ARSB: variants seen among roughly 807,000 people sequenced by gnomAD.
The protein encoded by ARSB is N-acetylgalactosamine-4-sulfatase.
In ARSB, 41 loss-of-function variants were observed where a neutral mutation model predicts 50.9. That is an observed-to-expected ratio of 0.81 (90% CI 0.63 to 1.04). The LOEUF (loss-of-function observed/expected upper bound fraction) is 1.04, where lower values mean the gene tolerates loss of function less well. Among genes scored for constraint, ARSB ranks in the 50% least tolerant of loss-of-function variants. The pLI, the probability that ARSB is intolerant of heterozygous loss-of-function variation, is 0.00. For missense variants in ARSB, 672 were observed against 693.3 expected, an observed-to-expected ratio of 0.97 and a Z score of 0.35; for synonymous variants, 269 against 284.8, an observed-to-expected ratio of 0.94 and a Z score of 0.56.
At chr5:78,832,807 G>A (rs1348400360) in intron 6 of ARSB, among the ~76,000 whole-genome samples, 2 of 152,206 alleles carry the variant, frequency 1.3e-5, no homozygotes, top group African/African-American at 4.8e-5. Flanking sequence ...CTTTGGTGGG[G>A]TGGAAAATGC....
At chr5:78,897,349 C>A (rs923705856) in intron 4 of ARSB, among the ~76,000 whole-genome samples, 1 of 152,132 alleles carries the variant, frequency 6.6e-6, no homozygotes, top group Non-Finnish European at 1.5e-5. Context: ...TTCTAAAATA[C>A]TCTCAGTAAA....
At chr5:78,812,955 C>T (rs963748253) in intron 6 of ARSB, among the ~76,000 whole-genome samples, 8 of 152,154 alleles carry the variant, frequency 5.3e-5, no homozygotes, top group South Asian at 2.1e-4. Flanking sequence ...CACACCACTA[C>T]GCTCCAGCCT....
intron 5 of ARSB, among the ~76,000 whole-genome samples, chr5:78,871,713 C>G (rs1425773734): frequency 7.3e-6 from 1 of 137,612 alleles, no homozygotes; most frequent in African/African-American, 2.6e-5. Flanking sequence ...CATAAAAACC[C>G]TAGAAGAAAA....
At chr5:78,792,351 C>G (rs898129037) in intron 6 of ARSB, among the ~76,000 whole-genome samples, 3 of 151,222 alleles carry the variant, frequency 2.0e-5, no homozygotes, top group African/African-American at 7.3e-5. Context: ...TGTACTCCAG[C>G]CTGGACGACA....
At chr5:78,963,832 G>A (rs185391934) in intron 3 of ARSB, among the ~76,000 whole-genome samples, 2 of 152,150 alleles carry the variant, frequency 1.3e-5, no homozygotes, top group African/African-American at 4.8e-5. Context: ...ACTTTGGGCA[G>A]GGGGGAGCTG....
chr5:78,782,522 G>C (rs767737030), intron 6 of ARSB, among the ~76,000 whole-genome samples: 14 of 152,142 alleles, frequency 9.2e-5, no homozygotes, highest in Non-Finnish European at 2.1e-4. Context: ...AACTATGGGG[G>C]TAAGAACAAA....
At chr5:78,936,893 T>G (rs1750631536) in intron 4 of ARSB, among the ~76,000 whole-genome samples, 1 of 152,220 alleles carries the variant, frequency 6.6e-6, no homozygotes, top group African/African-American at 2.4e-5. Flanking sequence ...ACAGCAGATA[T>G]GGGTACCAGA....
chr5:78,973,549 T>C (rs1271578240), intron 1 of ARSB, among the ~76,000 whole-genome samples: 1 of 152,202 alleles, frequency 6.6e-6, no homozygotes, highest in Non-Finnish European at 1.5e-5. Context: ...TAGGAGTTCC[T>C]TGCAGTATAG....
At chr5:78,949,658 C>T (rs1391255384) in intron 4 of ARSB, among the ~76,000 whole-genome samples, 1 of 152,136 alleles carries the variant, frequency 6.6e-6, no homozygotes, top group Admixed American at 6.5e-5. Flanking sequence ...GACTGTAATC[C>T]GAGCACTCTG....
At chr5:78,870,211 T>G (rs1218586615) in intron 5 of ARSB, among the ~76,000 whole-genome samples, 3 of 146,426 alleles carry the variant, frequency 2.0e-5, no homozygotes, top group African/African-American at 7.6e-5. Flanking sequence ...CCAGAAGGAT[T>G]CACAGCCGAA....
Position 78,885,808 on chromosome 5 carries a change from C to T in ARSB, c.918G>A (p.Leu306=), listed in dbSNP as rs755631948. 60 of 1,614,170 alleles carry T rather than the reference C, an allele frequency of 3.7e-5. No homozygotes were observed. In the South Asian group the frequency reaches 6.4e-4, roughly 17 times the overall value. Residue 306 remains leucine, a synonymous_variant, in exon 5 of 8, where the codon TTG becomes TTA. Transcript: ENST00000264914. ...IFSTDNGGQT[L]AGGNNWPLRG... ...GAAGGGGCCAGTTATTACCCCCTGC[C>T]AAAGTCTGCCCTCCGTTATCTGAAA...
chr5:78,796,590 T>G (rs532044241), intron 6 of ARSB, among the ~76,000 whole-genome samples: 40 of 152,326 alleles, frequency 2.6e-4, no homozygotes, highest in Admixed American at 1.5e-3. Flanking sequence ...TGCAAAGCAC[T>G]TACTGCAGTG....
intron 5 of ARSB, 42 bp from the exon 6 acceptor site, chr5:78,839,468 A>G: frequency 1.3e-6 from 2 of 1,510,606 alleles, no homozygotes; most frequent in East Asian, 2.3e-5. Context: ...TCCTCTCTCT[A>G]ATGGGCATGA....
chr5:78,943,687 C>T (rs1213295992), intron 4 of ARSB, among the ~76,000 whole-genome samples: 1 of 152,142 alleles, frequency 6.6e-6, no homozygotes, highest in Non-Finnish European at 1.5e-5. Flanking sequence ...GTAACCTGAC[C>T]TTTCTCTCTG....
At position 78,977,184 on chromosome 5, in the gene ARSB, T is replaced by C. The variant is rs769331728; in HGVS notation, c.312+7753A>G. On this transcript the variant is annotated intron_variant, in intron 1 of 7. Coordinates refer to ENST00000264914, the MANE Select transcript of ARSB (RefSeq NM_000046.5). ...ACTTCCCCCCCGCGAGATGGAGTCTTGCTCTGTTGCTCAGGCTGGAGTGCA... is the reference window on the plus strand; with the variant it reads ...ACTTCCCCCCCGCGAGATGGAGTCTCGCTCTGTTGCTCAGGCTGGAGTGCA... 1.6e-4 allele frequency among the ~76,000 whole-genome samples: 24 copies of C among 146,340 alleles called. 1 individual carries two copies. Among genetic ancestry groups the C allele is most frequent in the South Asian group, 2.1e-4 (1 of 4,684 alleles).
At chr5:78,920,957 T>G (rs937499848) in intron 4 of ARSB, among the ~76,000 whole-genome samples, 1 of 152,160 alleles carries the variant, frequency 6.6e-6, no homozygotes, top group Non-Finnish European at 1.5e-5. Context: ...AACTCCTGGA[T>G]CAGACCTGCC....
chr5:78,806,265 C>G (rs1743558621), intron 6 of ARSB, among the ~76,000 whole-genome samples: 2 of 152,140 alleles, frequency 1.3e-5, no homozygotes, highest in South Asian at 4.1e-4. Flanking sequence ...TCACAGTGTC[C>G]CCTGGCATGT....
At chr5:78,887,434 T>C (rs937210977) in intron 4 of ARSB, among the ~76,000 whole-genome samples, 4 of 152,176 alleles carry the variant, frequency 2.6e-5, no homozygotes, top group African/African-American at 9.6e-5. Flanking sequence ...AAACACTTCC[T>C]ACTGGGCCCC....
chr5:78,985,236 C>T lies in ARSB; in HGVS notation c.13G>A (p.Gly5Ser). ...GGGCCTCGGGGCAAGCTCGCCGCGC[C>T]GCGCGGACCCATCCTTGTCCGCCCG... MGPR[G>S]AASLPRGPGP... Residue 5 changes from glycine to serine, a missense_variant, in exon 1 of 8, where the codon GGC becomes AGC. Coordinates refer to ENST00000264914, the MANE Select transcript of ARSB (RefSeq NM_000046.5). 1.5e-6 allele frequency: 2 copies of T among 1,324,330 alleles called. No individual in the cohort carries two copies. Among genetic ancestry groups the T allele is most frequent in the East Asian group, 6.3e-5 (2 of 31,870 alleles). 82.0% of individuals were successfully genotyped at this position (1,324,330 alleles called of 1,614,324 possible).
Sources: gnomAD v4.1 joint callset for allele counts (sites outside exome capture counted in the v4.1 genomes callset) on GRCh38, gnomAD v4.1.1 for gene constraint, MANE v1.5 for transcripts, NCBI Gene and HGNC (gene_info 2026-07-23, HGNC 2026-07-21) for gene names.